Variants in C1GALT1 observed in about 807,000 individuals in gnomAD.
C1GALT1 encodes glycoprotein-N-acetylgalactosamine 3-beta-galactosyltransferase 1.
A neutral mutation model predicts 31.0 loss-of-function variants in C1GALT1; 11 were observed. That is an observed-to-expected ratio of 0.36 (90% CI 0.22 to 0.59). The LOEUF (loss-of-function observed/expected upper bound fraction) is 0.59. Among genes scored for constraint, C1GALT1 ranks in the 20% least tolerant of loss-of-function variants. The pLI is 0.79. For missense variants in C1GALT1, 424 were observed against 425.2 expected (o/e 1.00, Z 0.03); for synonymous variants, 175 against 143.6 (o/e 1.22, Z -1.56).
At chr7:7,216,060 C>A (rs536301904) in intron 1 of C1GALT1, among the ~76,000 whole-genome samples, 4 of 151,982 alleles carry the variant, frequency 2.6e-5, no homozygotes, top group African/African-American at 4.8e-5. Flanking sequence ...GATCTTACAA[C>A]GCTTGCAGAG....
At chr7:7,204,915 T>C (rs1295494050) in intron 1 of C1GALT1, among the ~76,000 whole-genome samples, 1 of 152,218 alleles carries the variant, frequency 6.6e-6, no homozygotes, top group Non-Finnish European at 1.5e-5. Flanking sequence ...TATCTGTCTT[T>C]TAAAATCTAT....
chr7:7,168,566 C>T (rs1308256707), intron 2 of C1GALT1, among the ~76,000 whole-genome samples: 1 of 152,154 alleles, frequency 6.6e-6, no homozygotes, highest in Non-Finnish European at 1.5e-5. Flanking sequence ...TCCTATTTTT[C>T]CTGTTAATGA....
chr7:7,228,509 A>C (rs569378030), intron 1 of C1GALT1, among the ~76,000 whole-genome samples: 13 of 152,216 alleles, frequency 8.5e-5, no homozygotes, highest in African/African-American at 3.1e-4. Context: ...AGTCTAGTCT[A>C]CCTCAACACT....
At chr7:7,217,420 G>C (rs1443468644) in intron 1 of C1GALT1, among the ~76,000 whole-genome samples, 4 of 151,978 alleles carry the variant, frequency 2.6e-5, no homozygotes, top group African/African-American at 7.3e-5. Context: ...CTGCAGTGTA[G>C]TGGTCATTCA....
intron 1 of C1GALT1, among the ~76,000 whole-genome samples, chr7:7,192,409 G>C (rs867257655): frequency 6.6e-6 from 1 of 151,978 alleles, no homozygotes; most frequent in Admixed American, 6.6e-5. Context: ...TTCCATTCCT[G>C]AGTTACTTTA....
At chr7:7,181,116 G>A (rs985985055), upstream of C1GALT1, among the ~76,000 whole-genome samples, 1 of 147,264 alleles carries the variant, frequency 6.8e-6, no homozygotes, top group Non-Finnish European at 1.5e-5. Flanking sequence ...ATAAGGAGTT[G>A]TGAGTTTTGG....
chr7:7,214,162 A>G (rs916384593), intron 1 of C1GALT1, among the ~76,000 whole-genome samples: 41 of 152,336 alleles, frequency 2.7e-4, no homozygotes, highest in African/African-American at 9.1e-4. Context: ...CTTAAAACAC[A>G]GTAGATAACA....
Position 7,246,515 on chromosome 7 carries a change from G to C in C1GALT1, c.*2788G>C, listed in dbSNP as rs1285755258. ...TCAGAAATTCAAATTTAAGCATGGG[G>C]CCCAAGAGTATGCATTCTTACCAGA... On this transcript the variant is annotated 3_prime_UTR_variant, in exon 4 of 4. Coordinates refer to ENST00000436587, the MANE Select transcript of C1GALT1 (RefSeq NM_020156.5). The C allele has an allele frequency of 6.6e-6, 1 of 152,070 alleles. No homozygotes were observed. Among genetic ancestry groups the C allele is most frequent in the Non-Finnish European group, 1.5e-5 (1 of 68,008 alleles). 9.4% of individuals were successfully genotyped at this position (152,070 alleles called of 1,614,324 possible). A position where few individuals can be genotyped will look rare whatever the true frequency, so the allele number is the denominator to read the frequency against.
At chr7:7,204,455 T>G (rs1244075104) in intron 1 of C1GALT1, among the ~76,000 whole-genome samples, 1 of 152,062 alleles carries the variant, frequency 6.6e-6, no homozygotes, top group Non-Finnish European at 1.5e-5. Context: ...AGTCTTTTCT[T>G]TTTTTCTTAG....
At chr7:7,215,211 G>A (rs564498028) in intron 1 of C1GALT1, among the ~76,000 whole-genome samples, 68 of 152,282 alleles carry the variant, frequency 4.5e-4, no homozygotes, top group African/African-American at 1.4e-3. Flanking sequence ...GCAGGCTTAC[G>A]GAGTCCTGGG....
intron 1 of C1GALT1, among the ~76,000 whole-genome samples, chr7:7,213,733 T>C (rs1419244131): frequency 1.3e-5 from 2 of 152,238 alleles, no homozygotes; most frequent in Non-Finnish European, 1.5e-5. Context: ...TGAAACCTTA[T>C]GGATTATTTC....
At chr7:7,215,846 G>A (rs943845382) in intron 1 of C1GALT1, among the ~76,000 whole-genome samples, 1 of 152,076 alleles carries the variant, frequency 6.6e-6, no homozygotes, top group Non-Finnish European at 1.5e-5. Flanking sequence ...ATTTTGGAAA[G>A]TCTCTGTATA....
upstream of C1GALT1, among the ~76,000 whole-genome samples, chr7:7,181,241 A>AAAGGTGGAAGGATATTGCGGC (rs1780579191): frequency 6.6e-6 from 1 of 151,974 alleles, no homozygotes; most frequent in African/African-American, 2.4e-5. Flanking sequence ...GATATTGCGG[A>AAAGGTGGAAGGATATTGCGGC]AAGGTGGAAG....
chr7:7,164,324 T>C (rs1237714991), intron 2 of C1GALT1, among the ~76,000 whole-genome samples: 1 of 152,174 alleles, frequency 6.6e-6, no homozygotes, highest in Non-Finnish European at 1.5e-5. Context: ...ATGTGGAACA[T>C]TAATGTTAAC....
At chr7:7,158,387 A>G (rs1780296531) in intron 2 of C1GALT1, among the ~76,000 whole-genome samples, 1 of 152,118 alleles carries the variant, frequency 6.6e-6, no homozygotes, top group Non-Finnish European at 1.5e-5. Flanking sequence ...TAAGTCTCCA[A>G]GAAGGCATTG....
Position 7,238,421 on chromosome 7 carries a change from C to G in C1GALT1, c.387C>G (p.Phe129Leu), listed in dbSNP as rs1322831070. 1 of 1,613,970 alleles carries G rather than the reference C, an allele frequency of 6.2e-7. No homozygotes were observed. Among genetic ancestry groups the G allele is most frequent in the Non-Finnish European group, 8.5e-7 (1 of 1,179,962 alleles). ...TGAGTTCAGAAGAAAATAAAGACTT[C>G]CCTGCTGTGGGACTGAAAACCAAAG... ...LFMSSEENKDFPAVGLKTKEG... is the reference protein window; with the variant it reads ...LFMSSEENKDLPAVGLKTKEG... Residue 129 changes from phenylalanine to leucine, a missense_variant, in exon 3 of 4, where the codon TTC becomes TTG. Around this residue, in one of 3 missense-constraint regions of C1GALT1, gnomAD observed 189 missense variants for 158.2 expected, o/e 1.19. Coordinates refer to ENST00000436587, the MANE Select transcript of C1GALT1 (RefSeq NM_020156.5). This position sits in a 1 kb window ranked among gnomAD's most constrained non-coding sequence, Gnocchi z 5.2.
rs1783855096 is a variant in C1GALT1 at position 7,246,560 on chromosome 7, C to G, written c.*2833C>G. On this transcript the variant is annotated 3_prime_UTR_variant, in exon 4 of 4. Transcript: ENST00000436587. ...ACCAGATACCTTGGGCAGTGACTGT[C>G]AAAAGTCTGGTCCCAACAAACAGCA... 6.6e-6 allele frequency: 1 copy of G among 152,072 alleles called. No individual in the cohort carries two copies. The highest frequency in any genetic ancestry group is 2.1e-4 in the South Asian group (1 of 4,812). 9.4% of individuals were successfully genotyped at this position (152,072 alleles called of 1,614,324 possible). A position where few individuals can be genotyped will look rare whatever the true frequency, so the allele number is the denominator to read the frequency against.
At chr7:7,160,124 T>C (rs931803586) in intron 2 of C1GALT1, among the ~76,000 whole-genome samples, 1 of 152,180 alleles carries the variant, frequency 6.6e-6, no homozygotes, top group African/African-American at 2.4e-5. Flanking sequence ...CTGCCCCACA[T>C]GTGTGTCCTT....
At chr7:7,213,941 C>G (rs568378234) in intron 1 of C1GALT1, among the ~76,000 whole-genome samples, 8 of 152,134 alleles carry the variant, frequency 5.3e-5, no homozygotes, top group Non-Finnish European at 1.2e-4. Context: ...GCAAGGCAAC[C>G]CAAAGCCAAT....
Sources: gnomAD v4.1 joint callset for allele counts (sites outside exome capture counted in the v4.1 genomes callset) on GRCh38, gnomAD v4.1.1 for gene constraint, gnomAD v4.1.1 regional missense constraint, Gnocchi (gnomAD v3.1) non-coding constraint, MANE v1.5 for transcripts, NCBI Gene and HGNC (gene_info 2026-07-23, HGNC 2026-07-21) for gene names.